Variants in SLC2A14 observed in about 807,000 individuals in gnomAD.
SLC2A14 encodes the protein solute carrier family 2 member 14.
A neutral mutation model predicts 43.0 loss-of-function variants in SLC2A14; 13 were observed. The observed-to-expected ratio is 0.30, with a 90% CI of 0.20 to 0.48. SLC2A14 has a LOEUF of 0.48. Among genes scored for constraint, SLC2A14 ranks in the 20% least tolerant of loss-of-function variants. The pLI is 0.99. For missense variants in SLC2A14, 428 were observed against 620.4 expected, an observed-to-expected ratio of 0.69 and a Z score of 3.29; for synonymous variants, 190 against 233.8, an observed-to-expected ratio of 0.81 and a Z score of 1.71.
rs771959294 is a variant in SLC2A14, at chr12:7,838,009, C to T, written c.19-5195G>A. On this transcript the variant is annotated intron_variant, in intron 2 of 10. Coordinates refer to ENST00000431042, the MANE Select transcript of SLC2A14 (RefSeq NM_001286234.2). Reference sequence around the variant, plus strand: ...CTGACCTCAGATGATCCACCCACCTCGGCCTCCCAAAGTGCTGGGATTATA... The same window carrying T: ...CTGACCTCAGATGATCCACCCACCTTGGCCTCCCAAAGTGCTGGGATTATA... Among the ~76,000 whole-genome samples the T allele has an allele frequency of 1.1e-4, 17 of 152,198 alleles. No individual in the cohort carries two copies. In the South Asian group the frequency reaches 3.1e-3, roughly 28 times the overall value.
rs11055940 is a variant in SLC2A14, at chr12:7,814,248, A to C, written c.*68T>G. 7.4e-7 allele frequency: 1 copy of C among 1,347,230 alleles called. No individual in the cohort carries two copies. The highest frequency in any genetic ancestry group is 1.4e-5 in the African/African-American group (1 of 71,346). The allele number at this position is 1,347,230 out of a possible 1,614,324, so 83.5% of individuals were successfully genotyped here. A position where few individuals can be genotyped will look rare whatever the true frequency, so the allele number is the denominator to read the frequency against. ...GAAGCAGTCCTGGGTTCATCCTGAT[A>C]AAGTCTCTCCCTTGTTGAGGGAGAG... On this transcript the variant is annotated 3_prime_UTR_variant, in exon 11 of 11. Transcript: ENST00000431042.
chr12:7,878,567 A>G (rs761171709), intron 1 of SLC2A14, among the ~76,000 whole-genome samples: 1 of 152,176 alleles, frequency 6.6e-6, no homozygotes, highest in Admixed American at 6.5e-5. Context: ...CCAGTTTTAA[A>G]GATTTTTAGA....
At chr12:7,829,457 GGC>G (rs1592180317) in intron 5 of SLC2A14, among the ~76,000 whole-genome samples, 1 of 151,364 alleles carries the variant, frequency 6.6e-6, no homozygotes, top group Admixed American at 6.6e-5. Context: ...CTACTCGGGA[GGC>G]TGAGGCATGA....
chr12:7,816,128 C>T (rs1227257462), intron 10 of SLC2A14, among the ~76,000 whole-genome samples: 1 of 113,474 alleles, frequency 8.8e-6, no homozygotes, highest in African/African-American at 3.5e-5. Context: ...GACGGAGTCT[C>T]GCTCTGTCGC....
chr12:7,829,180 C>A (rs1321814258), intron 5 of SLC2A14, among the ~76,000 whole-genome samples: 1 of 152,044 alleles, frequency 6.6e-6, no homozygotes, highest in Non-Finnish European at 1.5e-5. Flanking sequence ...CCACTGCCCT[C>A]CAGACTGGGC....
intron 2 of SLC2A14, among the ~76,000 whole-genome samples, chr12:7,844,826 G>A (rs73055496): frequency 6.6e-5 from 10 of 151,850 alleles, no homozygotes; most frequent in Admixed American, 2.0e-4. Flanking sequence ...GTGAGCCACC[G>A]CACCGGGCTG....
intron 1 of SLC2A14, among the ~76,000 whole-genome samples, chr12:7,883,263 CTTTTTTT>C (rs372464881): frequency 9.2e-6 from 1 of 108,406 alleles, no homozygotes; most frequent in African/African-American, 3.5e-5. Context: ...TTCTTTCTTT[CTTTTTTT>C]TTTTTTTTTT....
intron 1 of SLC2A14, chr12:7,890,956 A>ACTACCTGCCTTGAAGCATGATCT (rs1183707208): frequency 6.6e-7 from 1 of 1,513,006 alleles, no homozygotes; most frequent in African/African-American, 1.4e-5. Flanking sequence ...CTCGACATGG[A>ACTACCTGCCTTGAAGCATGATCT]CTACCTGCCT....
intron 2 of SLC2A14, among the ~76,000 whole-genome samples, 191 bp downstream of exon 2, chr12:7,869,672 A>G (rs1182448674): frequency 2.0e-5 from 3 of 152,138 alleles, no homozygotes; most frequent in African/African-American, 7.2e-5. Flanking sequence ...AATGGCAAAG[A>G]GTAATTGCTT....
intron 2 of SLC2A14, among the ~76,000 whole-genome samples, chr12:7,837,966 C>A (rs1182107632): frequency 6.6e-6 from 1 of 152,140 alleles, no homozygotes; most frequent in East Asian, 1.9e-4. Context: ...CCATATTGGT[C>A]AGTCTGGTCT....
At chr12:7,817,743 T>TAGATAGATGATAG (rs3040822) in intron 10 of SLC2A14, 88 bp downstream of exon 10, 1 of 949,790 alleles carries the variant, frequency 1.1e-6, no homozygotes, top group Non-Finnish European at 1.5e-6. Context: ...CTCAAAAATA[T>TAGATAGATGATAG]ATATATATAT....
At position 7,862,019 on chromosome 12, in the gene SLC2A14, A is replaced by G. The variant is rs192603125; in HGVS notation, c.18+7844T>C. Among the ~76,000 whole-genome samples the G allele has an allele frequency of 7.3e-4, 109 of 150,274 alleles. 2 individuals are homozygous for G. In the East Asian group the frequency reaches 0.018, roughly 24 times the overall value. The stretch of plus-strand genomic sequence containing the variant: ...GGTGACTCAGGTCTGCAATCCCAGC[A>G]CTTTGGGAGGCCAAGTCAGGTGGAT... On this transcript the variant is annotated intron_variant, in intron 2 of 10. Transcript: ENST00000431042.
rs112332219 is a variant in SLC2A14, at chr12:7,871,355, G to A, written c.-57-1418C>T. Reference sequence around the variant, plus strand: ...GTTCACCTGCATCCTCATACATGGCGCCAAGGGCAAAGATGACTAGGCCAC... The same window carrying A: ...GTTCACCTGCATCCTCATACATGGCACCAAGGGCAAAGATGACTAGGCCAC... On this transcript the variant is annotated intron_variant, in intron 1 of 10. Coordinates refer to ENST00000431042, the MANE Select transcript of SLC2A14 (RefSeq NM_001286234.2). The A allele has an allele frequency of 3.2e-3, 2,315 of 712,560 alleles. 45 individuals carry two copies. The African/African-American group carries it at 0.04, about 12-fold the overall frequency. The allele number at this position is 712,560 out of a possible 1,614,324, so 44.1% of individuals were successfully genotyped here. A position where few individuals can be genotyped will look rare whatever the true frequency, so the allele number is the denominator to read the frequency against.
upstream of SLC2A14, among the ~76,000 whole-genome samples, chr12:7,875,027 A>ATT (rs1945427329): frequency 1.9e-4 from 21 of 111,222 alleles, 2 homozygotes; most frequent in South Asian, 7.8e-4. Context: ...TTATATATAA[A>ATT]TACATATATA....
intron 7 of SLC2A14, among the ~76,000 whole-genome samples, chr12:7,826,255 T>G (rs1864352064): frequency 6.6e-6 from 1 of 150,450 alleles, no homozygotes; most frequent in Non-Finnish European, 1.5e-5. Context: ...AGGGTCATGC[T>G]ATATTGCCCA....
At chr12:7,874,656 A>G (rs1945380757), upstream of SLC2A14, among the ~76,000 whole-genome samples, 2 of 148,844 alleles carry the variant, frequency 1.3e-5, no homozygotes, top group South Asian at 4.2e-4. Context: ...TGGGCCAGAG[A>G]GCAAGATTCC....
chr12:7,838,049 T>C (rs1287755936), intron 2 of SLC2A14, among the ~76,000 whole-genome samples: 2 of 151,744 alleles, frequency 1.3e-5, no homozygotes, highest in East Asian at 3.9e-4. Flanking sequence ...TGAGCCACCA[T>C]GCCCAGCCTA....
chr12:7,855,194 C>T (rs941164382), intron 2 of SLC2A14, among the ~76,000 whole-genome samples: 2 of 152,122 alleles, frequency 1.3e-5, no homozygotes, highest in African/African-American at 4.8e-5. Context: ...CCCTTGATTC[C>T]CACTCTGGAC....
chr12:7,821,407 G>A (rs747235144), intron 7 of SLC2A14, 82 bp from the exon 8 acceptor site: 35 of 1,290,026 alleles, frequency 2.7e-5, no homozygotes, highest in South Asian at 2.4e-5. Flanking sequence ...TTAAGGCTGA[G>A]CGTGGTTGCA....
Sources: allele counts gnomAD v4.1 joint callset (sites outside exome capture counted in the v4.1 genomes callset), GRCh38; gene constraint gnomAD v4.1.1; transcripts MANE v1.5; gene names NCBI Gene and HGNC (gene_info 2026-07-23, HGNC 2026-07-21).